GGA1: variants seen among roughly 807,000 people sequenced by gnomAD.
The protein encoded by GGA1 is ADP-ribosylation factor-binding protein GGA1.
In GGA1, 18 loss-of-function variants were observed where a neutral mutation model predicts 76.9. That is an observed-to-expected ratio of 0.23 (90% CI 0.16 to 0.35). The LOEUF (loss-of-function observed/expected upper bound fraction) is 0.35, where lower values mean the gene tolerates loss of function less well. GGA1 is among the 10% of genes least tolerant of loss of function. The pLI, the probability that GGA1 is intolerant of heterozygous loss-of-function variation, is 1.00. For missense variants in GGA1, 755 were observed against 859.0 expected, an observed-to-expected ratio of 0.88 and a Z score of 1.51; for synonymous variants, 342 against 354.7, an observed-to-expected ratio of 0.96 and a Z score of 0.40.
At chr22:37,628,280 C>T (rs1201824944) in intron 11 of GGA1, among the ~76,000 whole-genome samples, 2 of 152,188 alleles carry the variant, frequency 1.3e-5, no homozygotes, top group African/African-American at 4.8e-5. Flanking sequence ...GGTAGAGTCT[C>T]TATGCTGCCA....
At chr22:37,616,886 T>A in intron 2 of GGA1, 36 bp from the exon 3 acceptor site, 1 of 1,562,186 alleles carries the variant, frequency 6.4e-7, no homozygotes, top group Non-Finnish European at 8.6e-7. Context: ...CGGGACTCCG[T>A]GGCGACTCTG....
At chr22:37,622,405 C>T (rs1212661250) in intron 7 of GGA1, among the ~76,000 whole-genome samples, 10 of 150,686 alleles carry the variant, frequency 6.6e-5, no homozygotes, top group Admixed American at 2.0e-4. Flanking sequence ...AGTAAATATA[C>T]ATATGTTGCC....
At chr22:37,629,393 G>A (rs922588153) in intron 11 of GGA1, 69 bp from the exon 12 acceptor site, 5 of 1,076,366 alleles carry the variant, frequency 4.6e-6, no homozygotes, top group Non-Finnish European at 6.9e-6. Flanking sequence ...CAGCACACAT[G>A]GCCCCTCGGC....
intron 11 of GGA1, 117 bp from the exon 12 acceptor site, chr22:37,629,345 C>T: frequency 1.4e-6 from 1 of 690,168 alleles, no homozygotes; most frequent in Non-Finnish European, 2.5e-6. Context: ...TTTCTCCCCT[C>T]CGTGCTGAGC....
intron 11 of GGA1, among the ~76,000 whole-genome samples, chr22:37,628,128 C>T (rs1931173071): frequency 6.6e-6 from 1 of 152,228 alleles, no homozygotes; most frequent in Non-Finnish European, 1.5e-5. Context: ...GCGCCCACCT[C>T]TTTTTGGTTT....
rs760647397 is a variant in GGA1 at position 37,620,312 on chromosome 22, G to A, written c.378G>A (p.Leu126=). The change falls in exon 5 of 17, where the codon CTG becomes CTA. Residue 126 remains leucine (L), a synonymous_variant. Coordinates refer to ENST00000343632, the MANE Select transcript of GGA1 (RefSeq NM_013365.5). ...LELLYSWTVG[L]PEEVKIAEAY... is the part of the protein sequence containing the mutation. ...TCCTCTACAGCTGGACAGTGGGCCT[G>A]CCCGAGGAGGTGAAAATCGCAGAGG... is the stretch of plus-strand genomic sequence containing the variant. 14 of 1,614,034 alleles carry A rather than the reference G, an allele frequency of 8.7e-6. No homozygotes were observed. Among genetic ancestry groups the A allele is most frequent in the Admixed American group, 1.7e-5 (1 of 60,016 alleles).
chr22:37,611,532 C>T (rs1489557962), intron 1 of GGA1, among the ~76,000 whole-genome samples: 1 of 152,252 alleles, frequency 6.6e-6, no homozygotes. Context: ...TGTCTGTTCA[C>T]TGCTGGAGCC....
chr22:37,609,550 G>A (rs964512642), intron 1 of GGA1, among the ~76,000 whole-genome samples: 2 of 152,140 alleles, frequency 1.3e-5, no homozygotes, highest in African/African-American at 4.8e-5. Context: ...TAACCCCTCA[G>A]TCTCCAAGAT....
chr22:37,620,709 G>A lies in GGA1; in HGVS notation c.428-104G>A. On this transcript the variant is annotated intron_variant, in intron 5 of 16. Coordinates refer to ENST00000343632, the MANE Select transcript of GGA1 (RefSeq NM_013365.5). ...AGAGCCAGCGTGCTGGCAAAAGACT[G>A]ACCTCCCTCTTCTGTCCTACCCTTG... The A allele has an allele frequency of 3.8e-6, 3 of 779,942 alleles. No homozygotes were observed. The South Asian group carries it at 4.2e-5, about 11-fold the overall frequency. The allele number at this position is 779,942 out of a possible 1,614,324, so 48.3% of individuals were successfully genotyped here.
intron 6 of GGA1, 107 bp from the exon 7 acceptor site, chr22:37,621,509 C>A (rs1360607387): frequency 2.4e-5 from 17 of 698,320 alleles, no homozygotes; most frequent in Middle Eastern, 7.6e-4. Flanking sequence ...GCTTAAGTAA[C>A]TTACTCAGGT....
chr22:37,626,671 T>C (rs568894599), intron 11 of GGA1: 1 of 152,398 alleles, frequency 6.6e-6, no homozygotes, highest in East Asian at 1.9e-4. Flanking sequence ...TGTGGTTTCC[T>C]GAGCCAGTTC....
chr22:37,628,997 G>A (rs1047040838), intron 11 of GGA1, among the ~76,000 whole-genome samples: 11 of 152,310 alleles, frequency 7.2e-5, no homozygotes, highest in East Asian at 3.9e-4. Flanking sequence ...CCCTGTCCTC[G>A]TATTCTTGGG....
intron 11 of GGA1, among the ~76,000 whole-genome samples, chr22:37,627,691 C>T (rs1189714547): frequency 6.6e-6 from 1 of 152,260 alleles, no homozygotes; most frequent in Non-Finnish European, 1.5e-5. Flanking sequence ...CTTCCTGTCC[C>T]CGCACTGCAC....
chr22:37,611,700 C>G (rs780905180), intron 1 of GGA1, among the ~76,000 whole-genome samples: 1 of 152,210 alleles, frequency 6.6e-6, no homozygotes, highest in Non-Finnish European at 1.5e-5. Context: ...TCTGTTCTAC[C>G]TCCTGGGCTG....
intron 4 of GGA1, 23 bp downstream of exon 4, chr22:37,618,569 C>G: frequency 7.1e-7 from 1 of 1,405,690 alleles, no homozygotes; most frequent in Non-Finnish European, 1.0e-6. Flanking sequence ...AGCCCAAGCT[C>G]AGACCTGCCC....
chr22:37,617,183 C>T, intron 3 of GGA1, 186 bp downstream of exon 3: 5 of 1,457,590 alleles, frequency 3.4e-6, no homozygotes, highest in Middle Eastern at 1.9e-4. Flanking sequence ...CCTCCCACCC[C>T]AGCATCCATA....
chr22:37,623,527 G>T lies in GGA1; in HGVS notation c.751-25G>T. ...CCACTCCACAGCCCACGCGGACCCT[G>T]ACCCGCCCATCCTGCTGCCCTCAGG... On this transcript the variant is annotated intron_variant, in intron 8 of 16. Transcript: ENST00000343632. This position sits in a 1 kb window ranked among gnomAD's most constrained non-coding sequence, Gnocchi z 4.6. The T allele has an allele frequency of 6.2e-7, 1 of 1,612,942 alleles. No homozygotes were observed. Among genetic ancestry groups the T allele is most frequent in the Non-Finnish European group, 8.5e-7 (1 of 1,179,376 alleles).
rs572723354 is a variant in GGA1, at chr22:37,611,349, G to C, written c.43+2446G>C. ...GAGAGCAGCTCCCGAGGGCTCCAGA[G>C]CCCTCCGAAAGCCCTCCCAGAGAGC... On this transcript the variant is annotated intron_variant, in intron 1 of 16. Transcript: ENST00000343632. 2.1e-3 allele frequency among the ~76,000 whole-genome samples: 313 copies of C among 151,862 alleles called. 7 individuals carry two copies. The highest frequency in any genetic ancestry group is 0.02 in the Admixed American group (301 of 15,282).
rs528070300 is a variant in GGA1, at chr22:37,615,173, T to C, written c.128+899T>C. ...AAAAAATAAAAAAATAGGCCAGGCA[T>C]GGTGGCTCACGCCTGTAATCCCAGC... is the stretch of plus-strand genomic sequence containing the variant. On this transcript the variant is annotated intron_variant, in intron 2 of 16. Transcript: ENST00000343632. Among the ~76,000 whole-genome samples the C allele has an allele frequency of 5.3e-5, 8 of 151,052 alleles. No individual in the cohort carries two copies. In the South Asian group the frequency reaches 1.5e-3, roughly 28 times the overall value.
Sources: allele counts gnomAD v4.1 joint callset (sites outside exome capture counted in the v4.1 genomes callset), GRCh38; gene constraint gnomAD v4.1.1; non-coding constraint Gnocchi (gnomAD v3.1); transcripts MANE v1.5; gene names NCBI Gene and HGNC (gene_info 2026-07-23, HGNC 2026-07-21).